The following HERC4 variants were observed in gnomAD, a reference collection of about 807,000 sequenced individuals.
HERC4 encodes probable E3 ubiquitin-protein ligase HERC4.
Under a neutral mutation model 124.3 loss-of-function variants are expected in HERC4, and 28 were observed. That is an observed-to-expected ratio of 0.23 (90% CI 0.17 to 0.31). The LOEUF is 0.31. HERC4 is among the 10% of genes least tolerant of loss of function. The pLI is 1.00. For missense variants in HERC4, 713 were observed against 1,229.3 expected (o/e 0.58, Z 6.28); for synonymous variants, 407 against 421.5 (o/e 0.97, Z 0.42).
chr10:67,957,712 G>A (rs2034232443), intron 16 of HERC4, among the ~76,000 whole-genome samples: 1 of 152,108 alleles, frequency 6.6e-6, no homozygotes, highest in African/African-American at 2.4e-5. Flanking sequence ...TGCCTGCCCT[G>A]ACTCAGAGCC....
At chr10:67,923,298 A>G (rs2030439550) in intron 24 of HERC4, among the ~76,000 whole-genome samples, 159 bp from the exon 25 acceptor site, 1 of 152,194 alleles carries the variant, frequency 6.6e-6, no homozygotes, top group Admixed American at 6.5e-5. Flanking sequence ...TTTGAGACAC[A>G]TTCTAATTGC....
chr10:68,049,924 A>G (rs1217360002), intron 3 of HERC4, among the ~76,000 whole-genome samples: 1 of 151,964 alleles, frequency 6.6e-6, no homozygotes, highest in Non-Finnish European at 1.5e-5. Context: ...AAAACAAACA[A>G]GGCCAGACGC....
At position 67,966,669 on chromosome 10, in the gene HERC4, C is replaced by T. The variant is rs899881419; in HGVS notation, c.1926+14G>A. ...TACATAAAAATGAAATCACAAATTG[C>T]ACAGAAAACCTACCATTCCATAGGC... On this transcript the variant is annotated intron_variant, in intron 16 of 24. Transcript: ENST00000373700. 4 of 1,598,410 alleles carry T rather than the reference C, an allele frequency of 2.5e-6. No individual in the cohort carries two copies. Among genetic ancestry groups the T allele is most frequent in the Admixed American group, 1.8e-5 (1 of 56,144 alleles).
At chr10:67,966,469 A>C in intron 16 of HERC4, 2 of 430,692 alleles carry the variant, frequency 4.6e-6, no homozygotes, top group Non-Finnish European at 8.1e-6. Flanking sequence ...AGTGTAATCC[A>C]TTTCTTTGGT....
At position 67,941,039 on chromosome 10, in the gene HERC4, T is replaced by C; in HGVS notation, c.2404A>G (p.Thr802Ala). The change falls in exon 20 of 25, where the codon ACC becomes GCC. Residue 802 changes from threonine to alanine, a missense_variant. Transcript: ENST00000373700. ...AAAGGAAAATGGAGGTCCACAATGG[T>C]ACAATTATAAATTGCTAAGCCACAG... ...VICGLAIYNC[T>A]IVDLHFPLAL... 6.2e-7 allele frequency: 1 copy of C among 1,610,730 alleles called. No individual in the cohort carries two copies. Among genetic ancestry groups the C allele is most frequent in the Non-Finnish European group, 8.5e-7 (1 of 1,178,344 alleles).
chr10:67,922,828 G>T lies in HERC4; in HGVS notation c.*103C>A. 1 of 821,194 alleles carries T rather than the reference G, an allele frequency of 1.2e-6. No homozygotes were observed. The highest frequency in any genetic ancestry group is 1.8e-5 in the South Asian group (1 of 54,748). The allele number at this position is 821,194 out of a possible 1,614,324, so 50.9% of individuals were successfully genotyped here. A position where few individuals can be genotyped will look rare whatever the true frequency, so the allele number is the denominator to read the frequency against. On this transcript the variant is annotated 3_prime_UTR_variant, in exon 25 of 25. Coordinates refer to ENST00000373700, the MANE Select transcript of HERC4 (RefSeq NM_015601.4). The stretch of plus-strand genomic sequence containing the variant: ...CGTAGATTGAACATTCTGCAAGTAA[G>T]AATTATAATAGTACCTCTGTCACCT...
rs79041175 is a variant in HERC4, at chr10:67,995,628, T to G, written c.1070-2946A>C. ...GATATTCAGGATATTAACCTTAGGT[T>G]GTAATTGCTACAAATATTTTTTCCA... On this transcript the variant is annotated intron_variant, in intron 9 of 24. Coordinates refer to ENST00000373700, the MANE Select transcript of HERC4 (RefSeq NM_015601.4). Among the ~76,000 whole-genome samples the G allele has an allele frequency of 0.021, 3,233 of 152,198 alleles. 308 individuals carry two copies. The East Asian group carries it at 0.31, about 15-fold the overall frequency.
At chr10:68,061,217 A>G (rs1413783866) in intron 3 of HERC4, among the ~76,000 whole-genome samples, 4 of 152,138 alleles carry the variant, frequency 2.6e-5, no homozygotes, top group Non-Finnish European at 5.9e-5. Context: ...CTGACTGCAA[A>G]AGCTTTGTTT....
At chr10:68,057,769 C>T (rs79977500) in intron 3 of HERC4, among the ~76,000 whole-genome samples, 6,682 of 151,342 alleles carry the variant, frequency 0.044, 513 homozygotes, top group African/African-American at 0.15. Flanking sequence ...TGCAGTGGTG[C>T]AATCACTGCA....
At chr10:67,960,861 A>G in intron 16 of HERC4, 1 of 284,140 alleles carries the variant, frequency 3.5e-6, no homozygotes, top group South Asian at 3.7e-5. Flanking sequence ...TCTAACAAGG[A>G]CAAGCATGGA....
chr10:68,022,379 A>C (rs1238921702), intron 8 of HERC4, among the ~76,000 whole-genome samples: 2 of 152,068 alleles, frequency 1.3e-5, no homozygotes, highest in Non-Finnish European at 2.9e-5. Context: ...CATGCCTGTA[A>C]TCCCAGTCAC....
At chr10:68,057,087 T>C (rs2040585769) in intron 3 of HERC4, among the ~76,000 whole-genome samples, 1 of 152,214 alleles carries the variant, frequency 6.6e-6, no homozygotes, top group South Asian at 2.1e-4. Flanking sequence ...AACAGTTTTA[T>C]ACAATTTCAA....
chr10:67,981,241 T>C (rs1354602053), intron 15 of HERC4, among the ~76,000 whole-genome samples: 8 of 152,182 alleles, frequency 5.3e-5, no homozygotes, highest in Non-Finnish European at 8.8e-5. Flanking sequence ...CAGGAGTAGC[T>C]ACCATATCAG....
rs530430201 is a variant in HERC4, at chr10:67,979,502, G to A, written c.1806+9161C>T. Reference sequence around the variant, plus strand: ...GCAAATCTAAGTTACTGGCCTTAAAGAGGAGATAGATGGGGCAGAAAATTA... The same window carrying A: ...GCAAATCTAAGTTACTGGCCTTAAAAAGGAGATAGATGGGGCAGAAAATTA... On this transcript the variant is annotated intron_variant, in intron 15 of 24. Transcript: ENST00000373700. 2.0e-5 allele frequency among the ~76,000 whole-genome samples: 3 copies of A among 152,260 alleles called. No homozygotes were observed. The South Asian group carries it at 6.2e-4, about 32-fold the overall frequency.
At chr10:68,012,994 T>G (rs952175922) in intron 9 of HERC4, among the ~76,000 whole-genome samples, 7 of 152,214 alleles carry the variant, frequency 4.6e-5, no homozygotes, top group Admixed American at 4.6e-4. Flanking sequence ...ACCACATCCA[T>G]ATAATAAGAA....
At chr10:67,946,131 T>C (rs2132197053) in intron 19 of HERC4, among the ~76,000 whole-genome samples, 1 of 151,948 alleles carries the variant, frequency 6.6e-6, no homozygotes, top group African/African-American at 2.4e-5. Flanking sequence ...CACGTGCCTA[T>C]AGTCCTAGCT....
intron 3 of HERC4, among the ~76,000 whole-genome samples, chr10:68,045,335 A>G (rs1316481364): frequency 6.6e-6 from 1 of 152,206 alleles, no homozygotes; most frequent in Non-Finnish European, 1.5e-5. Flanking sequence ...TCAAGATAAA[A>G]AAAGGAAATT....
chr10:67,931,487 C>T (rs554253831), intron 23 of HERC4, among the ~76,000 whole-genome samples: 30 of 152,136 alleles, frequency 2.0e-4, no homozygotes, highest in Admixed American at 5.2e-4. Context: ...TGCAGTGGCG[C>T]GATCTTGGCT....
At chr10:68,043,858 G>T (rs1225984841) in intron 4 of HERC4, among the ~76,000 whole-genome samples, 2 of 152,090 alleles carry the variant, frequency 1.3e-5, no homozygotes, top group Non-Finnish European at 2.9e-5. Flanking sequence ...ATGTAACTGT[G>T]TAAGACTAAA....
Sources: allele counts gnomAD v4.1 joint callset (sites outside exome capture counted in the v4.1 genomes callset), GRCh38; gene constraint gnomAD v4.1.1; transcripts MANE v1.5; gene names NCBI Gene and HGNC (gene_info 2026-07-23, HGNC 2026-07-21).